Variants in PSMF1 observed in about 807,000 individuals in gnomAD.
PSMF1 encodes the protein proteasome inhibitor subunit 1.
Under a neutral mutation model 29.3 loss-of-function variants are expected in PSMF1, and 30 were observed. The ratio of observed to expected loss-of-function variants is 1.02; its 90% CI spans 0.77 to 1.39. The LOEUF is 1.39. Ranked by LOEUF, PSMF1 falls within the 40% of genes most tolerant of loss-of-function variation. The probability of loss-of-function intolerance (pLI) is 0.00; values close to 1 mark genes in which losing one functional copy is unlikely to be tolerated. For missense variants in PSMF1, 344 were observed against 357.5 expected, an observed-to-expected ratio of 0.96 and a Z score of 0.31; for synonymous variants, 134 against 139.7, an observed-to-expected ratio of 0.96 and a Z score of 0.29.
chr20:1,135,008 C>G (rs904731673), intron 3 of PSMF1, 113 bp from the exon 4 acceptor site: 6 of 1,040,228 alleles, frequency 5.8e-6, no homozygotes, highest in Non-Finnish European at 8.8e-6. Flanking sequence ...ACAGGCCAAG[C>G]GCAATGCCAG....
chr20:1,129,027 C>G (rs916660180), intron 3 of PSMF1, among the ~76,000 whole-genome samples: 7 of 152,118 alleles, frequency 4.6e-5, no homozygotes, highest in Non-Finnish European at 1.0e-4. Context: ...AGGTGCCCAC[C>G]ACCACGCCTG....
intron 4 of PSMF1, chr20:1,161,535 C>G (rs2086667100): frequency 1.7e-6 from 1 of 576,582 alleles, no homozygotes; most frequent in African/African-American, 1.9e-5. Flanking sequence ...TGCCCTGGTG[C>G]CAGCACAAGG....
At chr20:1,127,295 A>C in intron 2 of PSMF1, 131 bp from the exon 3 acceptor site, 1 of 802,234 alleles carries the variant, frequency 1.2e-6, no homozygotes, top group South Asian at 1.3e-5. Context: ...TCATATAAAC[A>C]GTCCTTATAT....
intron 4 of PSMF1, among the ~76,000 whole-genome samples, chr20:1,147,572 G>A (rs527597109): frequency 6.6e-6 from 1 of 152,312 alleles, no homozygotes; most frequent in Non-Finnish European, 1.5e-5. Flanking sequence ...TTTCACAAGA[G>A]TAAGGCACTG....
intron 3 of PSMF1, among the ~76,000 whole-genome samples, chr20:1,128,690 T>C (rs2086191544): frequency 6.8e-6 from 1 of 146,252 alleles, no homozygotes; most frequent in Non-Finnish European, 1.5e-5. Context: ...TATAGGGATT[T>C]TCCCCCCATC....
In PSMF1 at chr20:1,135,224, G is replaced by A; in HGVS notation, c.469G>A (p.Glu157Lys). 1 of 1,614,058 alleles carries A rather than the reference G, an allele frequency of 6.2e-7. No homozygotes were observed. The highest frequency in any genetic ancestry group is 8.5e-7 in the Non-Finnish European group (1 of 1,180,014). ...GGCTAATGTAAGCAGTCCCCACCGG[G>A]AGTTCCCCCCTGCTACCGCCAGAGA... ...EKANVSSPHREFPPATAREVD... is the reference protein window; with the variant it reads ...EKANVSSPHRKFPPATAREVD... Residue 157 changes from glutamate to lysine, a missense_variant, in exon 4 of 7, where the codon GAG becomes AAG. Glu to Lys is a moderately conservative substitution (Grantham distance 56). Transcript: ENST00000335877.
intron 4 of PSMF1, among the ~76,000 whole-genome samples, chr20:1,139,164 CTG>C (rs2086348336): frequency 6.6e-6 from 1 of 152,136 alleles, no homozygotes; most frequent in Non-Finnish European, 1.5e-5. Flanking sequence ...CAGAGCGAGA[CTG>C]TGTCAGAAAA....
chr20:1,147,695 G>GC (rs1185352298), intron 4 of PSMF1, among the ~76,000 whole-genome samples: 1 of 152,106 alleles, frequency 6.6e-6, no homozygotes, highest in Admixed American at 6.6e-5. Flanking sequence ...ACCTGCCTCT[G>GC]CCCCCACTCC....
intron 4 of PSMF1, among the ~76,000 whole-genome samples, chr20:1,146,588 C>T (rs2086452745): frequency 6.6e-6 from 1 of 152,158 alleles, no homozygotes; most frequent in Non-Finnish European, 1.5e-5. Context: ...TTGAGCTTGT[C>T]CCTCCTCCAT....
intron 4 of PSMF1, 21 bp downstream of exon 4, chr20:1,135,327 G>A (rs763098685): frequency 1.9e-5 from 30 of 1,591,114 alleles, no homozygotes; most frequent in African/African-American, 4.0e-5. Flanking sequence ...AGTGCCTAGC[G>A]GGAAGCCCAT....
chr20:1,154,106 C>A (rs1306331210), intron 4 of PSMF1, among the ~76,000 whole-genome samples: 2 of 152,074 alleles, frequency 1.3e-5, no homozygotes, highest in African/African-American at 4.8e-5. Flanking sequence ...AAATACAGCA[C>A]CTATGTGGAG....
At chr20:1,150,869 A>G (rs2086521905) in intron 4 of PSMF1, among the ~76,000 whole-genome samples, 1 of 152,070 alleles carries the variant, frequency 6.6e-6, no homozygotes, top group African/African-American at 2.4e-5. Flanking sequence ...AGAAATCCTC[A>G]TATATTTTCT....
chr20:1,154,833 G>A (rs1400104873), intron 4 of PSMF1, among the ~76,000 whole-genome samples: 3 of 152,180 alleles, frequency 2.0e-5, no homozygotes, highest in Non-Finnish European at 4.4e-5. Flanking sequence ...GTTGTGCCAC[G>A]AAACCACAGC....
intron 4 of PSMF1, among the ~76,000 whole-genome samples, chr20:1,152,729 A>G (rs1188162196): frequency 1.3e-5 from 2 of 152,192 alleles, no homozygotes; most frequent in Admixed American, 6.5e-5. Context: ...GTGGTAGACT[A>G]TGGTGGTATA....
intron 1 of PSMF1, 33 bp from the exon 2 acceptor site, chr20:1,125,465 T>C (rs761194627): frequency 6.4e-7 from 1 of 1,565,832 alleles, no homozygotes; most frequent in Admixed American, 2.0e-5. Flanking sequence ...TTTGAGTTCA[T>C]GATCTTTCTC....
intron 4 of PSMF1, among the ~76,000 whole-genome samples, chr20:1,141,298 T>C (rs2086376802): frequency 1.3e-5 from 2 of 152,190 alleles, no homozygotes; most frequent in African/African-American, 4.8e-5. Context: ...GCGTTATACA[T>C]GTTAGCTGGT....
rs1030324950 is a variant in PSMF1, at chr20:1,164,256, C to T, written c.606-62C>T. 8.7e-6 allele frequency: 13 copies of T among 1,500,578 alleles called. No individual in the cohort carries two copies. The South Asian group carries it at 1.0e-4, about 12-fold the overall frequency. The allele number at this position is 1,500,578 out of a possible 1,614,324, so 93.0% of individuals were successfully genotyped here. On this transcript the variant is annotated intron_variant, in intron 5 of 6. Transcript: ENST00000335877. The surrounding 1 kb of genome is among the most constrained non-coding windows in gnomAD (Gnocchi z 4.1). ...ATTCTTGGTGCATTGTAACCTCCCT[C>T]GCCTTTTCTCCAAGGGCAGTCCTTG... is the stretch of plus-strand genomic sequence containing the variant.
At position 1,126,692 on chromosome 20, in the gene PSMF1, T is replaced by C. The variant is rs1011815160; in HGVS notation, c.283-734T>C. Among the ~76,000 whole-genome samples the C allele has an allele frequency of 3.9e-5, 6 of 152,204 alleles. No individual in the cohort carries two copies. In the East Asian group the frequency reaches 9.7e-4, roughly 25 times the overall value. On this transcript the variant is annotated intron_variant, in intron 2 of 6. Coordinates refer to ENST00000335877, the MANE Select transcript of PSMF1 (RefSeq NM_006814.5). ...GAGTTTGAGACCAGCCTGGTCAATA[T>C]GGTGAAACCCTGTCTCTACTAAAAA...
chr20:1,163,012 C>T lies in PSMF1; in HGVS notation c.552-118C>T. 6.7e-6 allele frequency: 7 copies of T among 1,044,514 alleles called. No individual in the cohort carries two copies. The highest frequency in any genetic ancestry group is 2.4e-4 in the Middle Eastern group (1 of 4,196). The allele number at this position is 1,044,514 out of a possible 1,614,324, so 64.7% of individuals were successfully genotyped here. A position where few individuals can be genotyped will look rare whatever the true frequency, so the allele number is the denominator to read the frequency against. ...GAGCCAAGGACCACCCTGAAATATC[C>T]CTTGTGCTATGGTCTCATGCAAGGG... is the stretch of plus-strand genomic sequence containing the variant. On this transcript the variant is annotated intron_variant, in intron 4 of 6. Transcript: ENST00000335877. The surrounding 1 kb of genome is among the most constrained non-coding windows in gnomAD (Gnocchi z 6.1).
Sources: allele counts gnomAD v4.1 joint callset (sites outside exome capture counted in the v4.1 genomes callset), GRCh38; gene constraint gnomAD v4.1.1; non-coding constraint Gnocchi (gnomAD v3.1); transcripts MANE v1.5; gene names NCBI Gene and HGNC (gene_info 2026-07-23, HGNC 2026-07-21).